Variants in ATRNL1 observed in about 807,000 individuals in gnomAD.
ATRNL1 encodes attractin-like protein 1.
Under a neutral mutation model 182.7 loss-of-function variants are expected in ATRNL1, and 95 were observed. The ratio of observed to expected loss-of-function variants is 0.52; its 90% CI spans 0.44 to 0.62. The LOEUF is 0.62. ATRNL1 is among the 20% of genes least tolerant of loss of function. ATRNL1 has a pLI of 0.00. For synonymous variants in ATRNL1, 576 were observed against 568.3 expected, an observed-to-expected ratio of 1.01 and a Z score of -0.19; for missense variants, 1,471 against 1,679.5, an observed-to-expected ratio of 0.88 and a Z score of 2.17.
chr10:115,324,158 A>C (rs1316307641), intron 18 of ATRNL1, among the ~76,000 whole-genome samples: 1 of 151,698 alleles, frequency 6.6e-6, no homozygotes, highest in Non-Finnish European at 1.5e-5. Context: ...GGTGTTTTTG[A>C]ATTTTTTATT....
In ATRNL1 at chr10:115,826,925, C is replaced by T. The variant is rs549688516; in HGVS notation, c.3904-20952C>T. Among the ~76,000 whole-genome samples, 80 of 152,314 alleles carry T rather than the reference C, an allele frequency of 5.3e-4. 1 individual carries two copies. The highest frequency in any genetic ancestry group is 8.1e-4 in the Non-Finnish European group (55 of 68,032). On this transcript the variant is annotated intron_variant, in intron 27 of 28. Transcript: ENST00000355044. Reference sequence around the variant, plus strand: ...TGGAATTGGTAGTTTGGTTTTCAGACTTCAGAGGATCCTTGGCTTGTAGGT... The same window carrying T: ...TGGAATTGGTAGTTTGGTTTTCAGATTTCAGAGGATCCTTGGCTTGTAGGT...
intron 27 of ATRNL1, among the ~76,000 whole-genome samples, chr10:115,762,475 ATGT>A (rs1565356729): frequency 6.6e-6 from 1 of 152,202 alleles, no homozygotes; most frequent in Non-Finnish European, 1.5e-5. Flanking sequence ...CAGTCATTTA[ATGT>A]GAGAAGAAAC....
intron 22 of ATRNL1, 117 bp downstream of exon 22, chr10:115,462,152 A>G (rs1847833149): frequency 7.5e-6 from 4 of 534,228 alleles, no homozygotes. Context: ...TGTAGAAACT[A>G]CTAATCCTAT....
intron 26 of ATRNL1, among the ~76,000 whole-genome samples, chr10:115,694,534 T>G (rs1946493395): frequency 6.6e-6 from 1 of 152,138 alleles, no homozygotes; most frequent in Admixed American, 6.6e-5. Context: ...TGAATTTATA[T>G]ATAAAATACA....
At chr10:115,466,570 A>T (rs1848062022) in intron 22 of ATRNL1, among the ~76,000 whole-genome samples, 1 of 151,266 alleles carries the variant, frequency 6.6e-6, no homozygotes, top group Non-Finnish European at 1.5e-5. Flanking sequence ...TCCACTAATG[A>T]ATGACAAGAA....
intron 21 of ATRNL1, among the ~76,000 whole-genome samples, chr10:115,454,773 G>T (rs1334539962): frequency 6.6e-6 from 1 of 151,906 alleles, no homozygotes; most frequent in Non-Finnish European, 1.5e-5. Flanking sequence ...GAATTTATTT[G>T]TTCTAACAGA....
At chr10:115,746,234 A>G (rs1049664706) in intron 27 of ATRNL1, among the ~76,000 whole-genome samples, 7 of 152,122 alleles carry the variant, frequency 4.6e-5, no homozygotes, top group African/African-American at 7.2e-5. Context: ...TTAACTTTTA[A>G]TTGAATCTCA....
intron 26 of ATRNL1, among the ~76,000 whole-genome samples, chr10:115,669,049 G>T (rs1945609468): frequency 6.6e-6 from 1 of 152,018 alleles, no homozygotes; most frequent in Non-Finnish European, 1.5e-5. Context: ...ACCTAAAGTG[G>T]TTTTCCAAAT....
intron 24 of ATRNL1, among the ~76,000 whole-genome samples, chr10:115,488,710 G>A (rs188757011): frequency 6.6e-6 from 1 of 152,038 alleles, no homozygotes; most frequent in African/African-American, 2.4e-5. Context: ...AGGGTTTTTC[G>A]TGTCTCTATC....
At chr10:115,455,797 C>T (rs1554968595) in intron 21 of ATRNL1, among the ~76,000 whole-genome samples, 1 of 151,914 alleles carries the variant, frequency 6.6e-6, no homozygotes, top group Non-Finnish European at 1.5e-5. Flanking sequence ...AAGAAAAAAT[C>T]AAACAACCCC....
At chr10:115,541,877 A>G (rs957531553) in intron 25 of ATRNL1, among the ~76,000 whole-genome samples, 2 of 152,128 alleles carry the variant, frequency 1.3e-5, no homozygotes, top group African/African-American at 2.4e-5. Context: ...TTTCAAGGGT[A>G]TATTGTCTTT....
chr10:115,149,714 T>C (rs1211882198), intron 5 of ATRNL1, among the ~76,000 whole-genome samples: 1 of 152,156 alleles, frequency 6.6e-6, no homozygotes, highest in East Asian at 1.9e-4. Context: ...TATTATTTTT[T>C]TAATATGCTG....
chr10:115,447,263 G>T (rs1012450862), intron 21 of ATRNL1, among the ~76,000 whole-genome samples: 8 of 151,508 alleles, frequency 5.3e-5, no homozygotes, highest in African/African-American at 1.9e-4. Flanking sequence ...AAAGCTTAAC[G>T]CCTTGCTCTA....
intron 28 of ATRNL1, among the ~76,000 whole-genome samples, chr10:115,886,857 T>G (rs1450813159): frequency 6.6e-6 from 1 of 152,224 alleles, no homozygotes; most frequent in Non-Finnish European, 1.5e-5. Flanking sequence ...TCAGGGAAAT[T>G]TCTTAAACAT....
At chr10:115,628,366 G>A (rs183170745) in intron 26 of ATRNL1, among the ~76,000 whole-genome samples, 4 of 152,048 alleles carry the variant, frequency 2.6e-5, no homozygotes, top group Admixed American at 2.6e-4. Flanking sequence ...TTGGCCATTT[G>A]TATATCTTTT....
At chr10:115,414,278 T>G (rs535771288) in intron 20 of ATRNL1, among the ~76,000 whole-genome samples, 1 of 152,128 alleles carries the variant, frequency 6.6e-6, no homozygotes, top group African/African-American at 2.4e-5. Flanking sequence ...TAGTCAAATT[T>G]TGGGTTCCTA....
intron 27 of ATRNL1, among the ~76,000 whole-genome samples, chr10:115,798,075 G>A (rs1355147212): frequency 3.3e-5 from 5 of 152,018 alleles, no homozygotes; most frequent in Admixed American, 1.3e-4. Flanking sequence ...CTGCCACCAC[G>A]CCCGGCTAAT....
At chr10:115,815,415 A>ATGTGTGTG (rs367551845) in intron 27 of ATRNL1, among the ~76,000 whole-genome samples, 15,188 of 142,890 alleles carry the variant, frequency 0.11, 847 homozygotes, top group South Asian at 0.13. Flanking sequence ...GTGTGTGTGT[A>ATGTGTGTG]TGTGTGTGTG....
At chr10:115,812,689 G>C (rs1256839172) in intron 27 of ATRNL1, among the ~76,000 whole-genome samples, 1 of 151,896 alleles carries the variant, frequency 6.6e-6, no homozygotes, top group African/African-American at 2.4e-5. Flanking sequence ...TGCTAGCCAG[G>C]CTGCCTCAAA....
Sources: gnomAD v4.1 joint callset for allele counts (sites outside exome capture counted in the v4.1 genomes callset) on GRCh38, gnomAD v4.1.1 for gene constraint, MANE v1.5 for transcripts, NCBI Gene and HGNC (gene_info 2026-07-23, HGNC 2026-07-21) for gene names.